Variants in GPBP1 observed in about 807,000 individuals in gnomAD.
The protein encoded by GPBP1 is vasculin.
A neutral mutation model predicts 56.5 loss-of-function variants in GPBP1; 13 were observed. The observed-to-expected ratio is 0.23, with a 90% CI of 0.15 to 0.37. The LOEUF (loss-of-function observed/expected upper bound fraction) is 0.37, where lower values mean the gene tolerates loss of function less well. GPBP1 is among the 10% of genes least tolerant of loss of function. The pLI, the probability that GPBP1 is intolerant of heterozygous loss-of-function variation, is 1.00. For synonymous variants in GPBP1, 204 were observed against 188.9 expected, an observed-to-expected ratio of 1.08 and a Z score of -0.66; for missense variants, 477 against 572.3, an observed-to-expected ratio of 0.83 and a Z score of 1.70.
chr5:57,237,692 C>T (rs12514475), intron 6 of GPBP1, among the ~76,000 whole-genome samples: 1 of 152,130 alleles, frequency 6.6e-6, no homozygotes, highest in Non-Finnish European at 1.5e-5. Context: ...ACTTTCCCCC[C>T]TGGGTTCCCA....
At chr5:57,181,176 A>G (rs1754027282) in intron 2 of GPBP1, among the ~76,000 whole-genome samples, 1 of 152,186 alleles carries the variant, frequency 6.6e-6, no homozygotes. Context: ...TCTACAAAAC[A>G]TAAAAAAAAT....
At chr5:57,226,667 C>T (rs1380155266) in intron 3 of GPBP1, among the ~76,000 whole-genome samples, 1 of 136,788 alleles carries the variant, frequency 7.3e-6, no homozygotes, top group Non-Finnish European at 1.5e-5. Flanking sequence ...TCAGGCAGTT[C>T]TCATACTTCA....
At chr5:57,243,804 C>T (rs1740947723) in intron 6 of GPBP1, among the ~76,000 whole-genome samples, 1 of 151,734 alleles carries the variant, frequency 6.6e-6, no homozygotes, top group Admixed American at 6.6e-5. Flanking sequence ...CCTATGTCAG[C>T]CCCCCAAGTA....
At chr5:57,200,919 T>C (rs1481495606) in intron 2 of GPBP1, among the ~76,000 whole-genome samples, 6 of 152,128 alleles carry the variant, frequency 3.9e-5, no homozygotes, top group Non-Finnish European at 7.4e-5. Flanking sequence ...ACCTCGTGAT[T>C]CGCCCACCTC....
chr5:57,236,175 AAAG>A (rs1756654529), intron 6 of GPBP1, 143 bp downstream of exon 6: 4 of 599,846 alleles, frequency 6.7e-6, no homozygotes, highest in Admixed American at 3.2e-5. Context: ...TAGCTACAAA[AAAG>A]GTAACATTCG....
At chr5:57,227,721 T>G (rs367905521) in intron 3 of GPBP1, among the ~76,000 whole-genome samples, 4 of 152,188 alleles carry the variant, frequency 2.6e-5, no homozygotes, top group African/African-American at 9.7e-5. Flanking sequence ...AACATCACGC[T>G]TATGCTGCTT....
chr5:57,188,980 T>TTCTG (rs375508397), intron 2 of GPBP1, among the ~76,000 whole-genome samples: 77 of 152,096 alleles, frequency 5.1e-4, no homozygotes, highest in Admixed American at 2.2e-3. Flanking sequence ...ACAAGCCTCT[T>TTCTG]TCTGTCTGTC....
At chr5:57,200,412 G>A (rs1240685555) in intron 2 of GPBP1, among the ~76,000 whole-genome samples, 1 of 119,732 alleles carries the variant, frequency 8.4e-6, no homozygotes, top group Non-Finnish European at 1.6e-5. Flanking sequence ...CTGTCTCCCA[G>A]CCTGGAGTGC....
intron 3 of GPBP1, among the ~76,000 whole-genome samples, chr5:57,222,164 G>A (rs1286214575): frequency 6.6e-6 from 1 of 152,046 alleles, no homozygotes; most frequent in Non-Finnish European, 1.5e-5. Context: ...TTTAAAAACA[G>A]TCCAGAAAGA....
chr5:57,193,895 T>A (rs1434754276), intron 2 of GPBP1, among the ~76,000 whole-genome samples: 9 of 152,170 alleles, frequency 5.9e-5, no homozygotes, highest in Admixed American at 5.9e-4. Flanking sequence ...ACAAAAGGTG[T>A]ACCACAAGAG....
intron 10 of GPBP1, among the ~76,000 whole-genome samples, chr5:57,258,991 G>A (rs1283745007): frequency 2.0e-5 from 3 of 152,180 alleles, no homozygotes; most frequent in Admixed American, 2.0e-4. Context: ...TGCTAGTCTA[G>A]ATTTAATAGT....
At chr5:57,224,707 A>G (rs1301613065) in intron 3 of GPBP1, among the ~76,000 whole-genome samples, 1 of 152,052 alleles carries the variant, frequency 6.6e-6, no homozygotes, top group Non-Finnish European at 1.5e-5. Flanking sequence ...GAGCCACTGT[A>G]CCCAGTTTAT....
chr5:57,213,349 C>T (rs1755573080), intron 2 of GPBP1, among the ~76,000 whole-genome samples: 1 of 152,172 alleles, frequency 6.6e-6, no homozygotes, highest in Non-Finnish European at 1.5e-5. Flanking sequence ...CTGCACTTGG[C>T]CGGTGTCTTC....
rs780239760 is a variant in GPBP1, at chr5:57,230,926, C to T, written c.144C>T (p.Asn48=). The change falls in exon 4 of 12, where the codon AAC becomes AAT. Residue 48 remains asparagine, a synonymous_variant. Coordinates refer to ENST00000506184, the MANE Select transcript of GPBP1 (RefSeq NM_022913.4). ...ATGATGTGAACCGTCGACGACACAACTCTTCAGATGGCTTTGATTCTGCTA... is the reference window on the plus strand; with the variant it reads ...ATGATGTGAACCGTCGACGACACAATTCTTCAGATGGCTTTGATTCTGCTA... ...NRYDVNRRRH[N]SSDGFDSAIG... is the part of the protein sequence containing the mutation. 6 of 1,612,566 alleles carry T rather than the reference C, an allele frequency of 3.7e-6. No homozygotes were observed. The South Asian group carries it at 6.6e-5, about 18-fold the overall frequency.
At chr5:57,229,234 A>AAAAAAAAAAAG in intron 3 of GPBP1, among the ~76,000 whole-genome samples, 1 of 44,212 alleles carries the variant, frequency 2.3e-5, no homozygotes, top group Non-Finnish European at 4.0e-5. Flanking sequence ...CCATCTCAAA[A>AAAAAAAAAAAG]AAAAAAAAAA....
rs570431886 is a variant in GPBP1 at position 57,261,378 on chromosome 5, T to G, written c.1263+96T>G. On this transcript the variant is annotated intron_variant, in intron 11 of 11. Transcript: ENST00000506184. The stretch of plus-strand genomic sequence containing the variant: ...GCATGGAGTGGGGGAGATTTAGGAA[T>G]TTATCACGATAGGTCAGAATTGCTT... The G allele has an allele frequency of 5.9e-5, 42 of 716,774 alleles. No individual in the cohort carries two copies. The African/African-American group carries it at 6.6e-4, about 11-fold the overall frequency. 44.4% of individuals were successfully genotyped at this position (716,774 alleles called of 1,614,324 possible). A position where few individuals can be genotyped will look rare whatever the true frequency, so the allele number is the denominator to read the frequency against.
At chr5:57,247,008 C>A (rs570231089) in intron 7 of GPBP1, 67 bp from the exon 8 acceptor site, 3 of 1,424,488 alleles carry the variant, frequency 2.1e-6, no homozygotes, top group Admixed American at 2.2e-5. Flanking sequence ...TTATAATATT[C>A]ACTGTTTTTG....
At chr5:57,243,692 C>T (rs1277164426) in intron 6 of GPBP1, among the ~76,000 whole-genome samples, 1 of 150,178 alleles carries the variant, frequency 6.7e-6, no homozygotes, top group Non-Finnish European at 1.5e-5. Flanking sequence ...CTTCTGCTTC[C>T]TTGTTTTTGT....
At chr5:57,180,697 A>C (rs1457349080) in intron 2 of GPBP1, among the ~76,000 whole-genome samples, 1 of 152,016 alleles carries the variant, frequency 6.6e-6, no homozygotes, top group Non-Finnish European at 1.5e-5. Flanking sequence ...ATATATATGG[A>C]GGGTTTTTGT....
Sources: allele counts gnomAD v4.1 joint callset (sites outside exome capture counted in the v4.1 genomes callset), GRCh38; gene constraint gnomAD v4.1.1; transcripts MANE v1.5; gene names NCBI Gene and HGNC (gene_info 2026-07-23, HGNC 2026-07-21).